The following CNOT6L variants were observed in gnomAD, a reference collection of about 807,000 sequenced individuals.
CNOT6L encodes CCR4-NOT transcription complex subunit 6 like.
Under a neutral mutation model 64.0 loss-of-function variants are expected in CNOT6L, and 7 were observed. That is an observed-to-expected ratio of 0.11 (90% CI 0.06 to 0.21). CNOT6L has a LOEUF of 0.21. CNOT6L is among the 10% of genes least tolerant of loss of function. The probability of loss-of-function intolerance (pLI) is 1.00; values close to 1 mark genes in which losing one functional copy is unlikely to be tolerated. For missense variants in CNOT6L, 245 were observed against 669.0 expected, an observed-to-expected ratio of 0.37 and a Z score of 6.99; for synonymous variants, 193 against 243.4, an observed-to-expected ratio of 0.79 and a Z score of 1.93.
In CNOT6L at chr4:77,774,677, G is replaced by T; in HGVS notation, c.167C>A (p.Thr56Lys). The change falls in exon 3 of 12, where the codon ACA becomes AAA. Residue 56 changes from threonine to lysine, a missense_variant. Physicochemically the swap from Thr to Lys is moderately conservative, Grantham distance 78. Transcript: ENST00000504123. ...ATTTAGGTGCAGCGCTGTCAAGTGT[G>T]TCAATGACCAAAGTGATGTACTTAG... ...RSLSTSLWSL[T>K]HLTALHLNDN... The T allele has an allele frequency of 6.2e-7, 1 of 1,611,840 alleles. No homozygotes were observed. Among genetic ancestry groups the T allele is most frequent in the South Asian group, 1.1e-5 (1 of 90,780 alleles).
chr4:77,731,493 C>T lies in CNOT6L; in HGVS notation c.918G>A (p.Ala306=), dbSNP rs563771023. 55 of 1,604,596 alleles carry T rather than the reference C, an allele frequency of 3.4e-5. No individual in the cohort carries two copies. Among genetic ancestry groups the T allele is most frequent in the Non-Finnish European group, 4.6e-5 (54 of 1,176,508 alleles). ...CTTCGGATCCATCTGAATTAGCCAT[C>T]GCCACTTGGTTAAATTCCACTGTAT... ...QKHTVEFNQV[A]MANSDGSEAM... is the part of the protein sequence containing the mutation. The change falls in exon 9 of 12, where the codon GCG becomes GCA. Residue 306 remains alanine (A), a synonymous_variant. Transcript: ENST00000504123.
intron 4 of CNOT6L, among the ~76,000 whole-genome samples, chr4:77,760,285 G>A (rs1726048990): frequency 6.6e-6 from 1 of 151,996 alleles, no homozygotes; most frequent in African/African-American, 2.4e-5. Flanking sequence ...CTGAACAGGA[G>A]GATTGCTTGG....
intron 6 of CNOT6L, among the ~76,000 whole-genome samples, chr4:77,747,587 A>T (rs1341208625): frequency 9.4e-5 from 3 of 32,076 alleles, no homozygotes; most frequent in Admixed American, 6.8e-4. Flanking sequence ...TCTTGTGATT[A>T]AAAAAAAGAC....
At chr4:77,748,452 T>C (rs1227781386) in intron 5 of CNOT6L, 68 bp from the exon 6 acceptor site, 1 of 980,528 alleles carries the variant, frequency 1.0e-6, no homozygotes, top group African/African-American at 1.6e-5. Context: ...GTTTATAATG[T>C]CAAAAACACT....
chr4:77,725,292 T>C (rs1721723256), intron 11 of CNOT6L, among the ~76,000 whole-genome samples: 1 of 152,206 alleles, frequency 6.6e-6, no homozygotes. Context: ...GGGAGGCCAT[T>C]TGTAAATTTC....
chr4:77,772,386 A>G (rs1241271330), intron 4 of CNOT6L, among the ~76,000 whole-genome samples: 1 of 151,644 alleles, frequency 6.6e-6, no homozygotes, highest in East Asian at 1.9e-4. Context: ...ACCACCACAC[A>G]CGGCTAATTT....
intron 4 of CNOT6L, among the ~76,000 whole-genome samples, chr4:77,762,757 T>C (rs1340984449): frequency 2.0e-5 from 3 of 152,124 alleles, no homozygotes; most frequent in African/African-American, 7.2e-5. Flanking sequence ...TTCCAATATA[T>C]GACATTCTGG....
intron 5 of CNOT6L, among the ~76,000 whole-genome samples, chr4:77,754,741 T>C (rs1725261617): frequency 6.7e-6 from 1 of 150,372 alleles, no homozygotes. Context: ...AATCCAGAAA[T>C]AGACCTACAC....
At chr4:77,727,682 T>TTTCACTATG (rs1356806181) in intron 10 of CNOT6L, among the ~76,000 whole-genome samples, 3 of 151,940 alleles carry the variant, frequency 2.0e-5, no homozygotes, top group Admixed American at 6.6e-5. Context: ...ACCAAAGTCA[T>TTTCACTATG]TTCACTATGT....
At chr4:77,725,008 A>G (rs567701991) in intron 11 of CNOT6L, among the ~76,000 whole-genome samples, 5 of 152,308 alleles carry the variant, frequency 3.3e-5, no homozygotes, top group African/African-American at 9.6e-5. Flanking sequence ...AAACACCACA[A>G]ATCAGAGCTT....
intron 1 of CNOT6L, among the ~76,000 whole-genome samples, chr4:77,792,635 A>G (rs1374673357): frequency 6.7e-6 from 1 of 150,268 alleles, no homozygotes; most frequent in Non-Finnish European, 1.5e-5. Flanking sequence ...CTGAGACAGG[A>G]GAATCGCTTG....
chr4:77,741,677 T>C (rs1723609043), intron 8 of CNOT6L, among the ~76,000 whole-genome samples: 1 of 152,198 alleles, frequency 6.6e-6, no homozygotes, highest in African/African-American at 2.4e-5. Context: ...TTTGTGTCTG[T>C]TGTGTCTAGC....
intron 1 of CNOT6L, among the ~76,000 whole-genome samples, chr4:77,804,646 T>G (rs1219722626): frequency 6.6e-6 from 1 of 152,138 alleles, no homozygotes; most frequent in African/African-American, 2.4e-5. Context: ...AGGTTTCTTT[T>G]GTGGGTGATG....
intron 1 of CNOT6L, among the ~76,000 whole-genome samples, chr4:77,777,037 A>G (rs1728226112): frequency 6.6e-6 from 1 of 152,226 alleles, no homozygotes; most frequent in Non-Finnish European, 1.5e-5. Context: ...TGACACCTGT[A>G]GCACACCCAA....
intron 4 of CNOT6L, among the ~76,000 whole-genome samples, chr4:77,763,386 A>C (rs748963801): frequency 3.9e-5 from 6 of 152,118 alleles, no homozygotes; most frequent in African/African-American, 7.2e-5. Flanking sequence ...TACAGACTAT[A>C]AGAAAAAATC....
intron 5 of CNOT6L, among the ~76,000 whole-genome samples, chr4:77,754,887 G>GAAAAAAA (rs1725286474): frequency 2.4e-4 from 3 of 12,300 alleles, no homozygotes; most frequent in East Asian, 1.8e-3. Context: ...AACATTAGAA[G>GAAAAAAA]TAAAAAAAAA....
chr4:77,725,762 T>C (rs1007646041), intron 11 of CNOT6L, among the ~76,000 whole-genome samples: 12 of 152,076 alleles, frequency 7.9e-5, no homozygotes, highest in Non-Finnish European at 1.6e-4. Context: ...TATAAATTCA[T>C]TCAAAGTGAG....
intron 4 of CNOT6L, among the ~76,000 whole-genome samples, chr4:77,768,479 ATATATATATATATATATATATATAT>A (rs1727135919): frequency 5.3e-4 from 2 of 3,782 alleles, no homozygotes; most frequent in South Asian, 3.1e-3. Flanking sequence ...AAATAAATAT[ATATATATATATATATATATATATAT>A]ATATATATAT....
At chr4:77,757,522 C>T (rs1309604330) in intron 4 of CNOT6L, among the ~76,000 whole-genome samples, 1 of 152,092 alleles carries the variant, frequency 6.6e-6, no homozygotes, top group Non-Finnish European at 1.5e-5. Flanking sequence ...TCAAAGAACA[C>T]ACTATTGGTA....
Sources: allele counts gnomAD v4.1 joint callset (sites outside exome capture counted in the v4.1 genomes callset), GRCh38; gene constraint gnomAD v4.1.1; transcripts MANE v1.5; gene names NCBI Gene and HGNC (gene_info 2026-07-23, HGNC 2026-07-21).